POFUT3: variants seen among roughly 807,000 people sequenced by gnomAD.
POFUT3 encodes the protein protein O-fucosyltransferase 3, also known as GDP-fucose protein O-fucosyltransferase 3.
At chr8:33,389,861 C>T in the POFUT3 span, 70 of 1,185,348 alleles carry the variant, frequency 5.9e-5, no homozygotes, top group Non-Finnish European at 7.5e-5. Flanking sequence ...TTTGGGTCTA[C>T]CTGGTAAGAT....
At chr8:33,318,168 T>C in the POFUT3 span, among the ~76,000 whole-genome samples, 1 of 151,946 alleles carries the variant, frequency 6.6e-6, no homozygotes, top group Non-Finnish European at 1.5e-5. Flanking sequence ...ATGTAAGAAT[T>C]CCATAGTGCA....
the POFUT3 span, among the ~76,000 whole-genome samples, chr8:33,340,110 G>C: frequency 6.6e-6 from 1 of 152,078 alleles, no homozygotes; most frequent in Non-Finnish European, 1.5e-5. Flanking sequence ...GTAAAGGAAT[G>C]TAAAAGGAGA....
At chr8:33,453,061 A>G in the POFUT3 span, 1 of 696,472 alleles carries the variant, frequency 1.4e-6, no homozygotes, top group Non-Finnish European at 2.4e-6. Flanking sequence ...TGTCTGCTAA[A>G]TGCTCAGGCC....
chr8:33,389,612 C>T, the POFUT3 span: 3 of 1,614,074 alleles, frequency 1.9e-6, no homozygotes, highest in African/African-American at 4.0e-5. Flanking sequence ...GACTTCAATG[C>T]TCTCCAAGTA....
At chr8:33,389,519 G>A in the POFUT3 span, 5 of 1,614,088 alleles carry the variant, frequency 3.1e-6, no homozygotes, top group Non-Finnish European at 4.2e-6. Flanking sequence ...GTCACAGTCT[G>A]ACTGTACATA....
chr8:33,335,099 A>G, the POFUT3 span, among the ~76,000 whole-genome samples: 1 of 151,914 alleles, frequency 6.6e-6, no homozygotes, highest in African/African-American at 2.4e-5. Context: ...AGATCTGAGC[A>G]ATGGTATGCT....
At chr8:33,321,361 CT>C in the POFUT3 span, among the ~76,000 whole-genome samples, 2 of 152,114 alleles carry the variant, frequency 1.3e-5, no homozygotes, top group Non-Finnish European at 2.9e-5. Flanking sequence ...TCATAGATCA[CT>C]TCCAAAATGG....
the POFUT3 span, among the ~76,000 whole-genome samples, chr8:33,431,931 C>T: frequency 2.0e-5 from 3 of 152,152 alleles, no homozygotes; most frequent in African/African-American, 7.2e-5. Flanking sequence ...GTCCCCAACA[C>T]ATTCCCTCTG....
At chr8:33,462,695 C>T in the POFUT3 span, among the ~76,000 whole-genome samples, 1 of 152,024 alleles carries the variant, frequency 6.6e-6, no homozygotes, top group Non-Finnish European at 1.5e-5. Context: ...TTTGGGAGGC[C>T]AAGGCAGGAG....
At chr8:33,363,238 C>T in the POFUT3 span, among the ~76,000 whole-genome samples, 8 of 152,142 alleles carry the variant, frequency 5.3e-5, no homozygotes, top group South Asian at 2.1e-4. Context: ...AAAGACACAA[C>T]GTACCAGAAT....
At chr8:33,386,692 C>G in the POFUT3 span, among the ~76,000 whole-genome samples, 7 of 152,040 alleles carry the variant, frequency 4.6e-5, no homozygotes, top group African/African-American at 1.7e-4. Context: ...TGCCTGTAGT[C>G]CCAGCTACTC....
chr8:33,351,442 C>T, the POFUT3 span, among the ~76,000 whole-genome samples: 2 of 151,922 alleles, frequency 1.3e-5, no homozygotes, highest in African/African-American at 2.4e-5. Flanking sequence ...GGGGAGTCGG[C>T]GGGGGGCAGG....
chr8:33,458,828 G>A, the POFUT3 span, among the ~76,000 whole-genome samples: 1 of 152,180 alleles, frequency 6.6e-6, no homozygotes, highest in South Asian at 2.1e-4. Context: ...GCACAAACAA[G>A]GAAAGAGACA....
the POFUT3 span, among the ~76,000 whole-genome samples, chr8:33,316,660 T>G: frequency 6.6e-6 from 1 of 151,556 alleles, no homozygotes. Flanking sequence ...AAGAATTGCT[T>G]GAACCCAGGA....
chr8:33,346,202 G>A, the POFUT3 span, among the ~76,000 whole-genome samples: 2 of 150,266 alleles, frequency 1.3e-5, no homozygotes, highest in South Asian at 4.2e-4. Flanking sequence ...CATTCAAACT[G>A]CCTAATTGTG....
the POFUT3 span, among the ~76,000 whole-genome samples, chr8:33,367,663 T>C: frequency 6.6e-6 from 1 of 152,108 alleles, no homozygotes; most frequent in Admixed American, 6.6e-5. Flanking sequence ...GGTCAAGATT[T>C]AATAAAATTC....
the POFUT3 span, among the ~76,000 whole-genome samples, chr8:33,427,806 GC>G: frequency 6.6e-6 from 1 of 152,162 alleles, no homozygotes; most frequent in Middle Eastern, 3.4e-3. Flanking sequence ...CCCAAAGCAA[GC>G]TTTGGGGTTG....
At chr8:33,387,640 C>T in the POFUT3 span, among the ~76,000 whole-genome samples, 104 of 152,202 alleles carry the variant, frequency 6.8e-4, 2 homozygotes, top group African/African-American at 2.4e-3. Context: ...CCCGTCTCTA[C>T]TAAAAATACA....
At chr8:33,318,352 A>T in the POFUT3 span, among the ~76,000 whole-genome samples, 1 of 150,204 alleles carries the variant, frequency 6.7e-6, no homozygotes, top group South Asian at 2.1e-4. Context: ...AAATCCTACA[A>T]TGTCTAGCAC....
Sources: gnomAD v4.1 joint callset for allele counts (sites outside exome capture counted in the v4.1 genomes callset) on GRCh38, gnomAD v4.1.1 for gene constraint, MANE v1.5 for transcripts, NCBI Gene and HGNC (gene_info 2026-07-23, HGNC 2026-07-21) for gene names.